DENND5B: variants seen among roughly 807,000 people sequenced by gnomAD.
DENND5B encodes the protein DENN domain containing 5B, also known as DENN domain-containing protein 5B.
In DENND5B, 34 loss-of-function variants were observed where a neutral mutation model predicts 140.6. That is an observed-to-expected ratio of 0.24 (90% CI 0.18 to 0.32). DENND5B has a LOEUF of 0.32. DENND5B is among the 10% of genes least tolerant of loss of function. The pLI is 1.00. For missense variants in DENND5B, 1,142 were observed against 1,560.2 expected, an observed-to-expected ratio of 0.73 and a Z score of 4.52; for synonymous variants, 551 against 562.1, an observed-to-expected ratio of 0.98 and a Z score of 0.28.
chr12:31,383,521 G>A lies in DENND5B; in HGVS notation c.*4082C>T, dbSNP rs1424039598. The A allele has an allele frequency of 1.3e-5, 2 of 152,126 alleles. No individual in the cohort carries two copies. Among genetic ancestry groups the A allele is most frequent in the African/African-American group, 4.8e-5 (2 of 41,430 alleles). 9.4% of individuals were successfully genotyped at this position (152,126 alleles called of 1,614,324 possible). On this transcript the variant is annotated 3_prime_UTR_variant, in exon 21 of 21. Coordinates refer to ENST00000389082, the MANE Select transcript of DENND5B (RefSeq NM_144973.4). Reference sequence around the variant, plus strand: ...GCCATGTGAAAGTAAATACCACAAGGTTACAAAAGGTACAAAAATGTGTGA... The same window carrying A: ...GCCATGTGAAAGTAAATACCACAAGATTACAAAAGGTACAAAAATGTGTGA...
At chr12:31,551,087 T>C (rs1015770629) in intron 1 of DENND5B, among the ~76,000 whole-genome samples, 3 of 152,152 alleles carry the variant, frequency 2.0e-5, no homozygotes, top group African/African-American at 7.2e-5. Context: ...TTTGTCAATT[T>C]TGGCTTTTGT....
intron 1 of DENND5B, among the ~76,000 whole-genome samples, chr12:31,566,320 G>C (rs1428747663): frequency 7.2e-6 from 1 of 138,062 alleles, no homozygotes; most frequent in Non-Finnish European, 1.5e-5. Context: ...AACATAGTGA[G>C]AACCTCTCTC....
At chr12:31,513,513 G>A (rs1423477091) in intron 1 of DENND5B, among the ~76,000 whole-genome samples, 1 of 152,066 alleles carries the variant, frequency 6.6e-6, no homozygotes, top group African/African-American at 2.4e-5. Context: ...ACATCAGTAT[G>A]GACTCATGCA....
chr12:31,511,343 T>C (rs1947402481), intron 1 of DENND5B, among the ~76,000 whole-genome samples: 1 of 152,182 alleles, frequency 6.6e-6, no homozygotes, highest in Non-Finnish European at 1.5e-5. Context: ...ATCTACAAAT[T>C]AGAACAGATT....
At chr12:31,509,999 T>C (rs868725719) in intron 1 of DENND5B, among the ~76,000 whole-genome samples, 1 of 152,246 alleles carries the variant, frequency 6.6e-6, no homozygotes, top group South Asian at 2.1e-4. Flanking sequence ...GGACCTACTT[T>C]AGTTTCTGAG....
intron 7 of DENND5B, among the ~76,000 whole-genome samples, chr12:31,437,232 T>A (rs1943814827): frequency 6.6e-6 from 1 of 150,832 alleles, no homozygotes; most frequent in African/African-American, 2.4e-5. Flanking sequence ...AAGCTCTGCC[T>A]CCCGGGTTCA....
At chr12:31,467,788 T>C (rs1378315369) in intron 3 of DENND5B, among the ~76,000 whole-genome samples, 1 of 152,092 alleles carries the variant, frequency 6.6e-6, no homozygotes, top group Non-Finnish European at 1.5e-5. Context: ...TTCTATAACA[T>C]AAGAGTAACT....
At chr12:31,580,483 T>G (rs2139470637) in intron 1 of DENND5B, among the ~76,000 whole-genome samples, 1 of 152,174 alleles carries the variant, frequency 6.6e-6, no homozygotes, top group Admixed American at 6.5e-5. Flanking sequence ...TTTTACTGTT[T>G]TTATTTATTT....
intron 1 of DENND5B, among the ~76,000 whole-genome samples, chr12:31,566,550 C>A (rs1316284581): frequency 6.6e-6 from 1 of 152,038 alleles, no homozygotes; most frequent in African/African-American, 2.4e-5. Flanking sequence ...GGGAGGATCA[C>A]TTGAGGCCAG....
At chr12:31,570,423 C>T (rs1029769722) in intron 1 of DENND5B, among the ~76,000 whole-genome samples, 47 of 151,044 alleles carry the variant, frequency 3.1e-4, no homozygotes, top group Non-Finnish European at 6.1e-4. Context: ...AGACTACAGG[C>T]GCCCGCCACC....
intron 1 of DENND5B, among the ~76,000 whole-genome samples, chr12:31,543,615 C>A (rs149891293): frequency 1.1e-3 from 164 of 152,130 alleles, no homozygotes; most frequent in African/African-American, 3.5e-3. Flanking sequence ...AAAAGTATAG[C>A]AGCATACAAA....
At chr12:31,528,771 G>C (rs1161384621) in intron 1 of DENND5B, among the ~76,000 whole-genome samples, 1 of 152,182 alleles carries the variant, frequency 6.6e-6, no homozygotes, top group Non-Finnish European at 1.5e-5. Flanking sequence ...TGTTAAGACA[G>C]CAGTCAGATA....
intron 3 of DENND5B, among the ~76,000 whole-genome samples, chr12:31,462,433 A>T (rs990627421): frequency 6.6e-6 from 1 of 152,054 alleles, no homozygotes; most frequent in African/African-American, 2.4e-5. Flanking sequence ...ACTGTGCCCT[A>T]ATCAGAACTA....
rs1016240205 is a variant in DENND5B, at chr12:31,464,818, G to A, written c.905-4437C>T. Among the ~76,000 whole-genome samples, 6 of 152,106 alleles carry A rather than the reference G, an allele frequency of 3.9e-5. No homozygotes were observed. The Middle Eastern group carries it at 0.01, about 259-fold the overall frequency. On this transcript the variant is annotated intron_variant, in intron 3 of 20. Coordinates refer to ENST00000389082, the MANE Select transcript of DENND5B (RefSeq NM_144973.4). ...TCAAGTGATCTGCCTGCCTGCCTCC[G>A]CCTCCCAAAGTGCTGAGATTACAGG...
rs1941190445 is a variant in DENND5B, at chr12:31,392,325, G to A, written c.3408C>T (p.His1136=). Reference sequence around the variant, plus strand: ...AGATGCGGGCAGATTTGAACCCATGGTGGAAAACTTGCTCAAGGGCTGCAA... The same window carrying A: ...AGATGCGGGCAGATTTGAACCCATGATGGAAAACTTGCTCAAGGGCTGCAA... ...GLVAALEQVF[H]HGFKSARIFH... is the part of the protein sequence containing the mutation. The change falls in exon 19 of 21, where the codon CAC becomes CAT. Residue 1136 remains histidine, a synonymous_variant. Coordinates refer to ENST00000389082, the MANE Select transcript of DENND5B (RefSeq NM_144973.4). 1.2e-6 allele frequency: 2 copies of A among 1,613,756 alleles called. No individual in the cohort carries two copies. Among genetic ancestry groups the A allele is most frequent in the Non-Finnish European group, 1.7e-6 (2 of 1,179,840 alleles).
At chr12:31,457,428 C>A (rs1591826607) in intron 4 of DENND5B, among the ~76,000 whole-genome samples, 1 of 152,140 alleles carries the variant, frequency 6.6e-6, no homozygotes, top group South Asian at 2.1e-4. Flanking sequence ...AATCATTTTG[C>A]AAATTTGTTA....
intron 1 of DENND5B, among the ~76,000 whole-genome samples, chr12:31,520,281 A>G (rs73297824): frequency 0.15 from 22,703 of 152,212 alleles, 1,903 homozygotes; most frequent in East Asian, 0.25. Context: ...CTAATCAACT[A>G]TAGGGTGCTA....
chr12:31,519,871 G>A (rs1565659049), intron 1 of DENND5B, among the ~76,000 whole-genome samples: 1 of 152,294 alleles, frequency 6.6e-6, no homozygotes, highest in East Asian at 1.9e-4. Flanking sequence ...ATAGAGTTGT[G>A]TGAGCATCAC....
chr12:31,511,398 T>C (rs1333979188), intron 1 of DENND5B, among the ~76,000 whole-genome samples: 1 of 152,040 alleles, frequency 6.6e-6, no homozygotes, highest in Non-Finnish European at 1.5e-5. Flanking sequence ...AATTTTTAAA[T>C]GAACCACTAT....
Sources: gnomAD v4.1 joint callset for allele counts (sites outside exome capture counted in the v4.1 genomes callset) on GRCh38, gnomAD v4.1.1 for gene constraint, MANE v1.5 for transcripts, NCBI Gene and HGNC (gene_info 2026-07-23, HGNC 2026-07-21) for gene names.